The following DHX35 variants were observed in gnomAD, a reference collection of about 807,000 sequenced individuals.
DHX35 encodes the protein probable ATP-dependent RNA helicase DHX35.
A neutral mutation model predicts 99.6 loss-of-function variants in DHX35; 84 were observed. The observed-to-expected ratio is 0.84, with a 90% CI of 0.71 to 1.01. The LOEUF (loss-of-function observed/expected upper bound fraction) is 1.01. Among genes scored for constraint, DHX35 ranks in the 50% least tolerant of loss-of-function variants. The probability of loss-of-function intolerance (pLI) is 0.00; values close to 1 mark genes in which losing one functional copy is unlikely to be tolerated. For synonymous variants in DHX35, 331 were observed against 316.2 expected, an observed-to-expected ratio of 1.05 and a Z score of -0.50; for missense variants, 852 against 888.5, an observed-to-expected ratio of 0.96 and a Z score of 0.52.
At chr20:39,016,372 T>G (rs1243656934) in intron 14 of DHX35, among the ~76,000 whole-genome samples, 2 of 152,268 alleles carry the variant, frequency 1.3e-5, no homozygotes, top group African/African-American at 2.4e-5. Flanking sequence ...AATTTCAACA[T>G]GAGCTTTGGT....
intron 5 of DHX35, among the ~76,000 whole-genome samples, chr20:38,991,163 G>A (rs990367296): frequency 6.6e-6 from 1 of 152,192 alleles, no homozygotes; most frequent in South Asian, 2.1e-4. Context: ...TTTATCGATA[G>A]TACTGGTGGT....
Position 39,004,361 on chromosome 20 carries a change from G to A in DHX35, c.1011+454G>A, listed in dbSNP as rs1195116784. ...ATTACAGGCGTCAGCCACCGTGCCC[G>A]GCCTGTTGTGAAGATTCTAAACCTG... is the stretch of plus-strand genomic sequence containing the variant. On this transcript the variant is annotated intron_variant, in intron 11 of 21. Coordinates refer to ENST00000252011, the MANE Select transcript of DHX35 (RefSeq NM_021931.4). 3.9e-5 allele frequency among the ~76,000 whole-genome samples: 6 copies of A among 152,224 alleles called. No individual in the cohort carries two copies. In the East Asian group the frequency reaches 5.8e-4, roughly 15 times the overall value.
At chr20:39,031,494 G>A (rs1022112119) in intron 20 of DHX35, among the ~76,000 whole-genome samples, 4 of 151,984 alleles carry the variant, frequency 2.6e-5, no homozygotes, top group African/African-American at 7.2e-5. Flanking sequence ...GTGCAATCAC[G>A]CCTGGCTAAT....
intron 14 of DHX35, among the ~76,000 whole-genome samples, chr20:39,015,703 A>G (rs1555826912): frequency 6.6e-6 from 1 of 152,136 alleles, no homozygotes; most frequent in Non-Finnish European, 1.5e-5. Flanking sequence ...TTTATGTACT[A>G]TACAATTCAC....
Position 39,016,868 on chromosome 20 carries a change from CT to C in DHX35, c.1403-1917del, listed in dbSNP as rs777635952. ...TGCCCATTTTTATGTGTGCTGTTGTCTTTTTTTTTTTTTTTTTTTAAATTGA... is the reference window on the plus strand; with the variant it reads ...TGCCCATTTTTATGTGTGCTGTTGTCTTTTTTTTTTTTTTTTTTAAATTGA... On this transcript the variant is annotated intron_variant, in intron 14 of 21. Coordinates refer to ENST00000252011, the MANE Select transcript of DHX35 (RefSeq NM_021931.4). Among the ~76,000 whole-genome samples the C allele has an allele frequency of 8.1e-3, 865 of 106,438 alleles. 3 individuals are homozygous for C. Among genetic ancestry groups the C allele is most frequent in the Admixed American group, 0.016 (174 of 10,948 alleles). The allele number at this position is 106,438 out of a possible 152,430, so 69.8% of individuals were successfully genotyped here.
chr20:39,023,736 C>G lies in DHX35; in HGVS notation c.1640C>G (p.Thr547Ser). The G allele has an allele frequency of 1.2e-6, 2 of 1,614,084 alleles. No homozygotes were observed. Among genetic ancestry groups the G allele is most frequent in the Non-Finnish European group, 1.7e-6 (2 of 1,179,966 alleles). ...KFAVEEGDHL[T>S]MLNIYEAFIK... ...GCTGTGGAGGAGGGCGACCACCTCA[C>G]TATGCTCAATATATATGAAGCATTT... is the stretch of plus-strand genomic sequence containing the variant. Residue 547 changes from threonine to serine, a missense_variant, in exon 17 of 22, where the codon ACT becomes AGT. By Grantham distance (58) the Thr-to-Ser change is moderately conservative. Coordinates refer to ENST00000252011, the MANE Select transcript of DHX35 (RefSeq NM_021931.4).
At chr20:38,965,599 A>G (rs1219693318) in intron 1 of DHX35, among the ~76,000 whole-genome samples, 1 of 152,250 alleles carries the variant, frequency 6.6e-6, no homozygotes, top group Non-Finnish European at 1.5e-5. Context: ...AATTGTTATC[A>G]TATGGGTTCA....
At position 39,006,237 on chromosome 20, in the gene DHX35, A is replaced by G; in HGVS notation, c.1103A>G (p.Tyr368Cys). 1.2e-6 allele frequency: 2 copies of G among 1,614,182 alleles called. No homozygotes were observed. The highest frequency in any genetic ancestry group is 2.2e-5 in the East Asian group (1 of 44,884). Residue 368 changes from tyrosine (Y) to cysteine (C), a missense_variant, in exon 12 of 22, where the codon TAC becomes TGC. Physicochemically the swap from Tyr to Cys is radical, Grantham distance 194 (BLOSUM62 -2). Coordinates refer to ENST00000252011, the MANE Select transcript of DHX35 (RefSeq NM_021931.4). ...IDCGFVKLRA[Y>C]NPRTAIECLV... ...TGTGGCTTTGTGAAACTCCGAGCCT[A>G]CAATCCCAGGACAGCTATTGAATGC...
intron 3 of DHX35, among the ~76,000 whole-genome samples, chr20:38,974,254 G>T (rs1395728821): frequency 6.6e-6 from 1 of 152,248 alleles, no homozygotes; most frequent in African/African-American, 2.4e-5. Context: ...TATTGCAGTG[G>T]TCTAGAGAAG....
chr20:38,969,878 A>C (rs73908217), intron 2 of DHX35, among the ~76,000 whole-genome samples: 2 of 152,234 alleles, frequency 1.3e-5, no homozygotes, highest in South Asian at 4.1e-4. Context: ...GCACATCCAC[A>C]TGGGAAGCCA....
At chr20:38,980,362 C>T (rs1183557324) in intron 3 of DHX35, among the ~76,000 whole-genome samples, 1 of 152,058 alleles carries the variant, frequency 6.6e-6, no homozygotes, top group Non-Finnish European at 1.5e-5. Flanking sequence ...CTCTTTGTTT[C>T]CTCATCTGTG....
intron 6 of DHX35, among the ~76,000 whole-genome samples, chr20:38,992,063 A>G (rs191277843): frequency 2.0e-5 from 3 of 152,320 alleles, no homozygotes; most frequent in Admixed American, 1.3e-4. Flanking sequence ...CTGTGGGGTT[A>G]TAGGTTGGTT....
chr20:38,978,704 G>A (rs772742428), intron 3 of DHX35, among the ~76,000 whole-genome samples: 3 of 152,152 alleles, frequency 2.0e-5, no homozygotes, highest in African/African-American at 2.4e-5. Flanking sequence ...ATGCAATCCC[G>A]TTTGTCTATT....
At chr20:38,997,582 G>A (rs1468339556) in intron 8 of DHX35, among the ~76,000 whole-genome samples, 2 of 152,076 alleles carry the variant, frequency 1.3e-5, no homozygotes, top group Non-Finnish European at 2.9e-5. Context: ...CTGGACCTCT[G>A]GTAAGCTGGG....
chr20:38,981,618 G>C (rs1601380507), intron 3 of DHX35, among the ~76,000 whole-genome samples: 1 of 152,004 alleles, frequency 6.6e-6, no homozygotes, highest in African/African-American at 2.4e-5. Flanking sequence ...CACAAGCCCT[G>C]GTTCCTTTTA....
rs375345904 is a variant in DHX35 at position 39,006,311 on chromosome 20, C to T, written c.1177C>T (p.Arg393Cys). 14 of 1,613,974 alleles carry T rather than the reference C, an allele frequency of 8.7e-6. No individual in the cohort carries two copies. Among genetic ancestry groups the T allele is most frequent in the African/African-American group, 2.7e-5 (2 of 74,882 alleles). The change falls in exon 12 of 22, where the codon CGT (arginine) becomes TGT (cysteine). Residue 393 changes from arginine to cysteine, a missense_variant. Arg to Cys is a radical substitution (Grantham distance 180). Coordinates refer to ENST00000252011, the MANE Select transcript of DHX35 (RefSeq NM_021931.4). ...SQASANQRAG[R>C]GGRSRSGKCY... ...GGCATCAGCTAATCAGCGAGCAGGACGTGGTGGTCGTAGTCGCTCGGGAAA... is the reference window on the plus strand; with the variant it reads ...GGCATCAGCTAATCAGCGAGCAGGATGTGGTGGTCGTAGTCGCTCGGGAAA...
chr20:38,970,303 G>A (rs2085975238), intron 2 of DHX35, among the ~76,000 whole-genome samples: 1 of 152,184 alleles, frequency 6.6e-6, no homozygotes, highest in South Asian at 2.1e-4. Flanking sequence ...TCTCCAAACA[G>A]ATAGGCAACA....
chr20:38,987,234 C>T (rs1280506512), intron 4 of DHX35, among the ~76,000 whole-genome samples: 2 of 151,974 alleles, frequency 1.3e-5, no homozygotes, highest in Non-Finnish European at 2.9e-5. Context: ...GAATACTAAA[C>T]TTTCTTTTCT....
chr20:39,027,634 A>G (rs557344694), intron 18 of DHX35, among the ~76,000 whole-genome samples: 1 of 152,260 alleles, frequency 6.6e-6, no homozygotes, highest in Non-Finnish European at 1.5e-5. Flanking sequence ...CTTACTTACC[A>G]ACATGCTTTA....
Sources: gnomAD v4.1 joint callset for allele counts (sites outside exome capture counted in the v4.1 genomes callset) on GRCh38, gnomAD v4.1.1 for gene constraint, MANE v1.5 for transcripts, NCBI Gene and HGNC (gene_info 2026-07-23, HGNC 2026-07-21) for gene names.